Variants in LPAR1 observed in about 807,000 individuals in gnomAD.
The protein encoded by LPAR1 is lysophosphatidic acid receptor 1.
In LPAR1, 5 loss-of-function variants were observed where a neutral mutation model predicts 23.8. The observed-to-expected ratio is 0.21, with a 90% confidence interval of 0.11 to 0.44. LPAR1 has a LOEUF of 0.44. LPAR1 is among the 20% of genes least tolerant of loss of function. The pLI, the probability that LPAR1 is intolerant of heterozygous loss-of-function variation, is 0.99. For synonymous variants in LPAR1, 160 were observed against 164.7 expected, an observed-to-expected ratio of 0.97 and a Z score of 0.22; for missense variants, 311 against 482.8, an observed-to-expected ratio of 0.64 and a Z score of 3.33.
chr9:110,940,275 A>G lies in LPAR1; in HGVS notation c.793+1146T>C, dbSNP rs539587347. On this transcript the variant is annotated intron_variant, in intron 5 of 5. Transcript: ENST00000683809. ...TAACCAAAACAGACGAGACCTATGC[A>G]TCAATCTGAATACTACTTTATATAA... Among the ~76,000 whole-genome samples the G allele has an allele frequency of 7.8e-4, 119 of 152,320 alleles. 1 individual carries two copies. The highest frequency in any genetic ancestry group is 1.3e-3 in the Non-Finnish European group (91 of 68,028).
chr9:110,975,026 TCA>T (rs1358659806), intron 2 of LPAR1, among the ~76,000 whole-genome samples: 1 of 152,158 alleles, frequency 6.6e-6, no homozygotes, highest in Non-Finnish European at 1.5e-5. Flanking sequence ...TATTTATAAT[TCA>T]CATTATCTTG....
At chr9:110,969,271 C>T (rs537396073) in intron 4 of LPAR1, among the ~76,000 whole-genome samples, 49 of 152,132 alleles carry the variant, frequency 3.2e-4, no homozygotes, top group Admixed American at 9.8e-4. Context: ...CATTAATGTA[C>T]CATATACTTC....
chr9:110,990,191 G>A (rs562056296), intron 2 of LPAR1, among the ~76,000 whole-genome samples: 42 of 152,156 alleles, frequency 2.8e-4, no homozygotes, highest in African/African-American at 9.9e-4. Context: ...TTAATTGACA[G>A]AACAGAAAAA....
chr9:110,974,153 C>G (rs546656626), intron 2 of LPAR1, among the ~76,000 whole-genome samples: 2 of 70,074 alleles, frequency 2.9e-5, no homozygotes, highest in African/African-American at 9.9e-5. Context: ...AGCAAGACTC[C>G]GTCTCAAAAA....
chr9:110,976,128 T>C (rs1442655070), intron 2 of LPAR1, among the ~76,000 whole-genome samples: 1 of 152,112 alleles, frequency 6.6e-6, no homozygotes, highest in Non-Finnish European at 1.5e-5. Flanking sequence ...CTGGCTCACT[T>C]TGACAGATGA....
chr9:110,910,592 T>C (rs1379089990), intron 5 of LPAR1, among the ~76,000 whole-genome samples: 1 of 152,190 alleles, frequency 6.6e-6, no homozygotes, highest in African/African-American at 2.4e-5. Flanking sequence ...AGAGCTGCCA[T>C]AGATAGTGAT....
intron 5 of LPAR1, among the ~76,000 whole-genome samples, chr9:110,884,257 A>G (rs1218940397): frequency 6.6e-6 from 1 of 151,928 alleles, no homozygotes; most frequent in Non-Finnish European, 1.5e-5. Flanking sequence ...TCTTCCTGGG[A>G]TGTTACCTGC....
At position 110,989,750 on chromosome 9, in the gene LPAR1, T is replaced by A. The variant is rs1194759882; in HGVS notation, c.-181-16192A>T. On this transcript the variant is annotated intron_variant, in intron 2 of 5. Transcript: ENST00000683809. ...ACATAACCATATGAAAACACATATA[T>A]ATACACTCATTAAATGTAAGTGGTC... is the stretch of plus-strand genomic sequence containing the variant. Among the ~76,000 whole-genome samples the A allele has an allele frequency of 8.0e-4, 121 of 152,106 alleles. 1 individual carries two copies. Among genetic ancestry groups the A allele is most frequent in the Non-Finnish European group, 1.5e-4 (10 of 67,996 alleles).
At chr9:110,936,836 T>C (rs1206250404) in intron 5 of LPAR1, among the ~76,000 whole-genome samples, 1 of 152,188 alleles carries the variant, frequency 6.6e-6, no homozygotes, top group Non-Finnish European at 1.5e-5. Flanking sequence ...CTAAGTATCC[T>C]GGACAGAAGT....
chr9:111,009,808 A>T (rs899688555), intron 2 of LPAR1, among the ~76,000 whole-genome samples: 5 of 151,744 alleles, frequency 3.3e-5, no homozygotes, highest in Non-Finnish European at 5.9e-5. Context: ...TATAATTTCT[A>T]ATCAATAATT....
chr9:110,975,303 A>G (rs10759477), intron 2 of LPAR1, among the ~76,000 whole-genome samples: 122,374 of 151,750 alleles, frequency 0.81, 49,880 homozygotes, highest in Middle Eastern at 0.87. Flanking sequence ...ATGTCATATG[A>G]CGTTATTACT....
At chr9:110,908,612 C>G (rs2091831325) in intron 5 of LPAR1, among the ~76,000 whole-genome samples, 1 of 152,166 alleles carries the variant, frequency 6.6e-6, no homozygotes, top group African/African-American at 2.4e-5. Flanking sequence ...TACCTAAGCA[C>G]TGTGAGGAAG....
chr9:110,893,317 T>C (rs2085144422), intron 5 of LPAR1, among the ~76,000 whole-genome samples: 1 of 152,188 alleles, frequency 6.6e-6, no homozygotes, highest in Admixed American at 6.5e-5. Flanking sequence ...GAAATATTTA[T>C]AACGGTAGAA....
intron 2 of LPAR1, among the ~76,000 whole-genome samples, chr9:111,023,888 T>C (rs2097621188): frequency 2.6e-5 from 4 of 152,206 alleles, no homozygotes; most frequent in Admixed American, 2.6e-4. Context: ...GACAAACATT[T>C]CTAACTATGG....
At position 111,033,094 on chromosome 9, in the gene LPAR1, T is replaced by C. The variant is rs554610554; in HGVS notation, c.-182+3028A>G. On this transcript the variant is annotated intron_variant, in intron 2 of 5. Coordinates refer to ENST00000683809, the MANE Select transcript of LPAR1 (RefSeq NM_001351411.2). The stretch of plus-strand genomic sequence containing the variant: ...ACAGTATCACAAAAATAAAATAAAT[T>C]ATAACCTAAATCCATGAATGTAGTA... Among the ~76,000 whole-genome samples the C allele has an allele frequency of 7.2e-5, 11 of 152,300 alleles. 1 individual carries two copies. Among genetic ancestry groups the C allele is most frequent in the Middle Eastern group, 3.4e-3 (1 of 294 alleles).
At chr9:110,960,287 T>G (rs1426313363) in intron 4 of LPAR1, among the ~76,000 whole-genome samples, 1 of 152,188 alleles carries the variant, frequency 6.6e-6, no homozygotes. Context: ...ATTCTATGTG[T>G]GTAATAAAAT....
At position 111,029,779 on chromosome 9, in the gene LPAR1, G is replaced by A. The variant is rs184794480; in HGVS notation, c.-182+6343C>T. Among the ~76,000 whole-genome samples the A allele has an allele frequency of 1.3e-3, 198 of 151,842 alleles. No individual in the cohort carries two copies. In the Middle Eastern group the frequency reaches 0.014, roughly 10 times the overall value. ...ATTTTAGTGTCCTCAGGCCAGGCAC[G>A]GTGGCTTGGGCCTGTAAACCCAGCA... On this transcript the variant is annotated intron_variant, in intron 2 of 5. Coordinates refer to ENST00000683809, the MANE Select transcript of LPAR1 (RefSeq NM_001351411.2).
intron 5 of LPAR1, among the ~76,000 whole-genome samples, chr9:110,883,987 C>T (rs982464734): frequency 6.6e-6 from 1 of 150,522 alleles, no homozygotes; most frequent in Non-Finnish European, 1.5e-5. Context: ...TATCCATGAG[C>T]ATTCTTTCTA....
chr9:111,018,468 A>C (rs2140973827), intron 2 of LPAR1, among the ~76,000 whole-genome samples: 1 of 152,348 alleles, frequency 6.6e-6, no homozygotes, highest in Non-Finnish European at 1.5e-5. Flanking sequence ...GTTCACTATA[A>C]CAGTAGCTGA....
Sources: gnomAD v4.1 joint callset for allele counts (sites outside exome capture counted in the v4.1 genomes callset) on GRCh38, gnomAD v4.1.1 for gene constraint, MANE v1.5 for transcripts, NCBI Gene and HGNC (gene_info 2026-07-23, HGNC 2026-07-21) for gene names.